PCDHB11: variants seen among roughly 807,000 people sequenced by gnomAD.
The protein encoded by PCDHB11 is protocadherin beta 11.
For missense variants in PCDHB11, 1,151 were observed against 1,003.4 expected, an observed-to-expected ratio of 1.15 and a Z score of -1.99; for synonymous variants, 522 against 442.0, an observed-to-expected ratio of 1.18 and a Z score of -2.27.
rs1554285279 is a variant in PCDHB11, at chr5:141,200,430, C to T, written c.656C>T (p.Ser219Phe). Reference protein sequence around the residue: ...SFILSALDGGSPPRSGTALVR... With the variant: ...SFILSALDGGFPPRSGTALVR... ...ATCCTCTCTGCTCTGGATGGTGGGT[C>T]CCCTCCCAGGTCTGGAACTGCCTTG... The change falls in exon 1 of 1, where the codon TCC (serine) becomes TTC (phenylalanine). Residue 219 changes from serine to phenylalanine, a missense_variant. Physicochemically the swap from Ser to Phe is radical, Grantham distance 155 (BLOSUM62 -2). Transcript: ENST00000354757. 6.2e-7 allele frequency: 1 copy of T among 1,614,118 alleles called. No homozygotes were observed. The highest frequency in any genetic ancestry group is 1.1e-5 in the South Asian group (1 of 91,082).
At position 141,201,050 on chromosome 5, in the gene PCDHB11, T is replaced by C. The variant is rs782595480; in HGVS notation, c.1276T>C (p.Leu426=). 19 of 1,614,206 alleles carry C rather than the reference T, an allele frequency of 1.2e-5. No homozygotes were observed. The Admixed American group carries it at 3.2e-4, about 27-fold the overall frequency. The change falls in exon 1 of 1, where the codon TTG becomes CTG. Residue 426 remains leucine, a synonymous_variant. Coordinates refer to ENST00000354757, the MANE Select transcript of PCDHB11 (RefSeq NM_018931.3). ...CAATATCACCATCACCGTCACCGAC[T>C]TGGGGATACCCAGGCTGAAAACCGA... The part of the protein sequence containing the change: ...EYNITITVTD[L]GIPRLKTEHN...
At position 141,203,694 on chromosome 5, in the gene PCDHB11, T is replaced by C. The variant is rs1754256832; in HGVS notation, c.*1526T>C. 1 of 151,972 alleles carries C rather than the reference T, an allele frequency of 6.6e-6. No homozygotes were observed. The highest frequency in any genetic ancestry group is 1.5e-5 in the Non-Finnish European group (1 of 67,978). 9.4% of individuals were successfully genotyped at this position (151,972 alleles called of 1,614,324 possible). A position where few individuals can be genotyped will look rare whatever the true frequency, so the allele number is the denominator to read the frequency against. On this transcript the variant is annotated 3_prime_UTR_variant, in exon 1 of 1. Transcript: ENST00000354757. Reference sequence around the variant, plus strand: ...TTTAATGCTTTTGTGTGTGTATATATATATATAGAGAGAGAGAGAGATCAT... The same window carrying C: ...TTTAATGCTTTTGTGTGTGTATATACATATATAGAGAGAGAGAGAGATCAT...
rs201085249 is a variant in PCDHB11, at chr5:141,201,088, T to C, written c.1314T>C (p.Thr438=). Residue 438 remains threonine (T), a synonymous_variant, in exon 1 of 1, where the codon ACT becomes ACC. Transcript: ENST00000354757. ...GGCTGAAAACCGAGCACAACACAAC[T>C]GTGTTGGTCTCTGACGTCAATGACA... The part of the protein sequence containing the change: ...IPRLKTEHNT[T]VLVSDVNDNA... 5.0e-6 allele frequency: 8 copies of C among 1,613,972 alleles called. No homozygotes were observed. Among genetic ancestry groups the C allele is most frequent in the Admixed American group, 3.3e-5 (2 of 60,012 alleles).
In PCDHB11 at chr5:141,200,872, G is replaced by T; in HGVS notation, c.1098G>T (p.Met366Ile). ...AAAATACGCCAGAGACCGTGGTTATGGTTTTTAGTATCCAAGATATAGACT... is the reference window on the plus strand; with the variant it reads ...AAAATACGCCAGAGACCGTGGTTATTGTTTTTAGTATCCAAGATATAGACT... Reference protein sequence around the residue: ...IPENTPETVVMVFSIQDIDSG... With the variant: ...IPENTPETVVIVFSIQDIDSG... The change falls in exon 1 of 1, where the codon ATG becomes ATT. Residue 366 changes from methionine (M) to isoleucine (I), a missense_variant. Met to Ile is a conservative substitution (Grantham distance 10). Transcript: ENST00000354757. 1 of 1,614,154 alleles carries T rather than the reference G, an allele frequency of 6.2e-7. No homozygotes were observed. The highest frequency in any genetic ancestry group is 2.2e-5 in the East Asian group (1 of 44,880).
Position 141,201,887 on chromosome 5 carries a change from G to T in PCDHB11, c.2113G>T (p.Val705Leu). 6.2e-7 allele frequency: 1 copy of T among 1,612,562 alleles called. No homozygotes were observed. Among genetic ancestry groups the T allele is most frequent in the Non-Finnish European group, 8.5e-7 (1 of 1,179,918 alleles). The change falls in exon 1 of 1, where the codon GTG becomes TTG. Residue 705 changes from valine (V) to leucine (L), a missense_variant. Val to Leu is a conservative substitution (Grantham distance 32). Transcript: ENST00000354757. ...GGTGTCTTCGCTCTTCCTCTTCTCG[G>T]TGCTCCTGTTCGTGGCGGTGCGGCT... ...ASVSSLFLFS[V>L]LLFVAVRLCR...
chr5:141,202,453 C>A lies in PCDHB11; in HGVS notation c.*285C>A, dbSNP rs1754227945. The A allele has an allele frequency of 4.2e-6, 1 of 239,310 alleles. No homozygotes were observed. The highest frequency in any genetic ancestry group is 1.1e-4 in the South Asian group (1 of 9,132). The allele number at this position is 239,310 out of a possible 1,614,324, so 14.8% of individuals were successfully genotyped here. ...TAGCTGGCATTACAGGCGCCCACCA[C>A]CACGCTCGGCTAAATTTTTTTTTTT... On this transcript the variant is annotated 3_prime_UTR_variant, in exon 1 of 1. Transcript: ENST00000354757.
Position 141,201,595 on chromosome 5 carries a change from C to G in PCDHB11, c.1821C>G (p.Leu607=). 1 of 1,608,256 alleles carries G rather than the reference C, an allele frequency of 6.2e-7. No homozygotes were observed. Among genetic ancestry groups the G allele is most frequent in the South Asian group, 1.1e-5 (1 of 90,912 alleles). Residue 607 remains leucine, a synonymous_variant, in exon 1 of 1, where the codon CTC becomes CTG. Transcript: ENST00000354757. ...GQNAWLSYQL[L]KATEPGLFGV... Reference sequence around the variant, plus strand: ...ACGCCTGGCTGTCGTACCAGCTGCTCAAGGCCACGGAGCCCGGGCTATTCG... The same window carrying G: ...ACGCCTGGCTGTCGTACCAGCTGCTGAAGGCCACGGAGCCCGGGCTATTCG...
At position 141,200,012 on chromosome 5, in the gene PCDHB11, AAC is replaced by A. The variant is rs1563963360; in HGVS notation, c.241_242del (p.Thr81TrpfsTer7). On this transcript the variant is annotated frameshift_variant, in exon 1 of 1. Transcript: ENST00000354757. LOFTEE classifies it low-confidence loss of function (END_TRUNC). The stretch of plus-strand genomic sequence containing the variant: ...GAAACAGCGTTTGCAGCTGGACATA[AAC>A]ACTGGGGATTTGCTCTTAAGTGAAA... ...DKKQRLQLDI[N>X]TGDLLLSETL... The A allele has an allele frequency of 6.2e-7, 1 of 1,614,102 alleles. No homozygotes were observed. The highest frequency in any genetic ancestry group is 2.2e-5 in the East Asian group (1 of 44,872).
chr5:141,200,033 A>C lies in PCDHB11; in HGVS notation c.259A>C (p.Ser87Arg). 6.2e-7 allele frequency: 1 copy of C among 1,614,184 alleles called. No individual in the cohort carries two copies. Among genetic ancestry groups the C allele is most frequent in the South Asian group, 1.1e-5 (1 of 91,074 alleles). ...CATAAACACTGGGGATTTGCTCTTA[A>C]GTGAAACACTAGACAGGGAGGAGCT... ...LDINTGDLLLSETLDREELCG... is the reference protein window; with the variant it reads ...LDINTGDLLLRETLDREELCG... Residue 87 changes from serine (S) to arginine (R), a missense_variant, in exon 1 of 1, where the codon AGT becomes CGT. By Grantham distance (110) the Ser-to-Arg change is moderately radical (BLOSUM62 -1). Coordinates refer to ENST00000354757, the MANE Select transcript of PCDHB11 (RefSeq NM_018931.3).
At position 141,201,346 on chromosome 5, in the gene PCDHB11, G is replaced by T. The variant is rs1554285573; in HGVS notation, c.1572G>T (p.Leu524=). 6.2e-7 allele frequency: 1 copy of T among 1,613,170 alleles called. No homozygotes were observed. Among genetic ancestry groups the T allele is most frequent in the African/African-American group, 1.3e-5 (1 of 74,922 alleles). The change falls in exon 1 of 1, where the codon CTG becomes CTT. Residue 524 remains leucine, a synonymous_variant. Transcript: ENST00000354757. ...TCAGGTCGCTGGACTACGAGGCCCT[G>T]CAGGCTTTCGACTTCCGCGTGGGCG... ...FALRSLDYEA[L]QAFDFRVGAT...
In PCDHB11 at chr5:141,199,676, G is replaced by C; in HGVS notation, c.-99G>C. 3 of 1,054,786 alleles carry C rather than the reference G, an allele frequency of 2.8e-6. No individual in the cohort carries two copies. The highest frequency in any genetic ancestry group is 4.1e-6 in the Non-Finnish European group (3 of 730,470). The allele number at this position is 1,054,786 out of a possible 1,614,324, so 65.3% of individuals were successfully genotyped here. A position where few individuals can be genotyped will look rare whatever the true frequency, so the allele number is the denominator to read the frequency against. Reference sequence around the variant, plus strand: ...AGGGTGACCTGGAAACCATTCAACAGGGTTAAAATCCTTAGACCACAGAGG... The same window carrying C: ...AGGGTGACCTGGAAACCATTCAACACGGTTAAAATCCTTAGACCACAGAGG... On this transcript the variant is annotated 5_prime_UTR_variant, in exon 1 of 1. Coordinates refer to ENST00000354757, the MANE Select transcript of PCDHB11 (RefSeq NM_018931.3).
In PCDHB11 at chr5:141,201,454, C is replaced by T. The variant is rs373395828; in HGVS notation, c.1680C>T (p.Phe560=). The part of the protein sequence containing the change: ...LVLDANDNSP[F]VLYPLQNGSA... ...TGGACGCCAACGACAACTCGCCCTTCGTGCTGTACCCGCTGCAGAACGGCT... is the reference window on the plus strand; with the variant it reads ...TGGACGCCAACGACAACTCGCCCTTTGTGCTGTACCCGCTGCAGAACGGCT... The change falls in exon 1 of 1, where the codon TTC becomes TTT. Residue 560 remains phenylalanine, a synonymous_variant. Transcript: ENST00000354757. The T allele has an allele frequency of 5.5e-4, 878 of 1,610,956 alleles. 7 individuals carry two copies. In the South Asian group the frequency reaches 8.6e-3, roughly 16 times the overall value.
chr5:141,202,075 A>C lies in PCDHB11; in HGVS notation c.2301A>C (p.Leu767=). 6.2e-7 allele frequency: 1 copy of C among 1,614,192 alleles called. No homozygotes were observed. Among genetic ancestry groups the C allele is most frequent in the Non-Finnish European group, 8.5e-7 (1 of 1,180,024 alleles). Residue 767 remains leucine (L), a synonymous_variant, in exon 1 of 1, where the codon CTA becomes CTC. Coordinates refer to ENST00000354757, the MANE Select transcript of PCDHB11 (RefSeq NM_018931.3). ...CCGAGACAAATGAATTCAAGTTCCTAAAACCGGTTATCCCTAATATCCAGG... is the reference window on the plus strand; with the variant it reads ...CCGAGACAAATGAATTCAAGTTCCTCAAACCGGTTATCCCTAATATCCAGG... The part of the protein sequence containing the change: ...GGSETNEFKF[L]KPVIPNIQAK...
Position 141,201,829 on chromosome 5 carries a change from G to C in PCDHB11, c.2055G>C (p.Ser685=), listed in dbSNP as rs781925828. 2 of 1,610,666 alleles carry C rather than the reference G, an allele frequency of 1.2e-6. No homozygotes were observed. The highest frequency in any genetic ancestry group is 1.1e-5 in the South Asian group (1 of 91,010). Residue 685 remains serine, a synonymous_variant, in exon 1 of 1, where the codon TCG becomes TCC. Transcript: ENST00000354757. ...EAAPAQAQAD[S]LTVYLVVALA... Reference sequence around the variant, plus strand: ...CACCGGCCCAGGCCCAGGCCGACTCGCTCACCGTCTACTTGGTGGTGGCGT... The same window carrying C: ...CACCGGCCCAGGCCCAGGCCGACTCCCTCACCGTCTACTTGGTGGTGGCGT...
Position 141,200,824 on chromosome 5 carries a change from A to G in PCDHB11, c.1050A>G (p.Ser350=). 3 of 1,614,206 alleles carry G rather than the reference A, an allele frequency of 1.9e-6. No individual in the cohort carries two copies. The highest frequency in any genetic ancestry group is 1.3e-5 in the African/African-American group (1 of 75,056). The change falls in exon 1 of 1, where the codon TCA becomes TCG. Residue 350 remains serine (S), a synonymous_variant. Coordinates refer to ENST00000354757, the MANE Select transcript of PCDHB11 (RefSeq NM_018931.3). The stretch of plus-strand genomic sequence containing the variant: ...ACAATGCTCCTGAAATCACTGTGTC[A>G]TCAATTACCAGTCCAATCCCAGAAA... The part of the protein sequence containing the change: ...VNDNAPEITV[S]SITSPIPENT...
At position 141,201,901 on chromosome 5, in the gene PCDHB11, G is replaced by A. The variant is rs372314853; in HGVS notation, c.2127G>A (p.Val709=). 4 of 1,612,520 alleles carry A rather than the reference G, an allele frequency of 2.5e-6. No homozygotes were observed. Among genetic ancestry groups the A allele is most frequent in the Admixed American group, 1.7e-5 (1 of 59,984 alleles). The change falls in exon 1 of 1, where the codon GTG becomes GTA. Residue 709 remains valine (V), a synonymous_variant. Transcript: ENST00000354757. ...SLFLFSVLLF[V]AVRLCRRSRA... ...TCCTCTTCTCGGTGCTCCTGTTCGT[G>A]GCGGTGCGGCTGTGCAGGAGGAGCA...
In PCDHB11 at chr5:141,201,036, T is replaced by A. The variant is rs1270681555; in HGVS notation, c.1262T>A (p.Ile421Asn). Reference sequence around the variant, plus strand: ...AGCACAGCCGAGTACAATATCACCATCACCGTCACCGACTTGGGGATACCC... The same window carrying A: ...AGCACAGCCGAGTACAATATCACCAACACCGTCACCGACTTGGGGATACCC... ...RESTAEYNIT[I>N]TVTDLGIPRL... Residue 421 changes from isoleucine to asparagine, a missense_variant, in exon 1 of 1, where the codon ATC becomes AAC. Ile to Asn is a moderately radical substitution (Grantham distance 149). Transcript: ENST00000354757. 3.7e-6 allele frequency: 6 copies of A among 1,614,152 alleles called. No individual in the cohort carries two copies. The highest frequency in any genetic ancestry group is 1.6e-4 in the Middle Eastern group (1 of 6,062).
In PCDHB11 at chr5:141,200,163, C is replaced by CT. The variant is rs564176008; in HGVS notation, c.390dup (p.Pro131SerfsTer51). ...CAGGTCAGGGATATAAATGATCACT[C>CT]TCCCATCTTCTCGGAAAAACAAATG... On this transcript the variant is annotated frameshift_variant, in exon 1 of 1. Transcript: ENST00000354757. LOFTEE classifies it low-confidence loss of function (END_TRUNC). The CT allele has an allele frequency of 2.9e-3, 4,714 of 1,614,116 alleles. 14 individuals carry two copies. The highest frequency in any genetic ancestry group is 3.7e-3 in the Non-Finnish European group (4,317 of 1,180,032).
At position 141,201,952 on chromosome 5, in the gene PCDHB11, G is replaced by C. The variant is rs202157565; in HGVS notation, c.2178G>C (p.Ser726=). 9.3e-5 allele frequency: 150 copies of C among 1,614,018 alleles called. No individual in the cohort carries two copies. The East Asian group carries it at 2.8e-3, about 30-fold the overall frequency. ...GGGCGGCCTCGGTGGGAAGCTGCTC[G>C]GTGCCTAAGGGCCCCTTTCCAGGGC... ...RSRAASVGSC[S]VPKGPFPGHL... The change falls in exon 1 of 1, where the codon TCG becomes TCC. Residue 726 remains serine (S), a synonymous_variant. Transcript: ENST00000354757.
Sources: gnomAD v4.1 joint callset for allele counts on GRCh38, gnomAD v4.1.1 for gene constraint, MANE v1.5 for transcripts, NCBI Gene and HGNC (gene_info 2026-07-23, HGNC 2026-07-21) for gene names.